ROBO2: variants seen among roughly 807,000 people sequenced by gnomAD.
ROBO2 encodes roundabout homolog 2.
ROBO2 carries 53 observed loss-of-function variants against 160.8 expected under a neutral mutation model. The ratio of observed to expected loss-of-function variants is 0.33; its 90% confidence interval spans 0.26 to 0.41. The LOEUF is 0.41. ROBO2 is among the 10% of genes least tolerant of loss of function. ROBO2 has a pLI of 1.00. For missense variants in ROBO2, 1,577 were observed against 1,722.4 expected (o/e 0.92, Z 1.49); for synonymous variants, 664 against 611.7 (o/e 1.09, Z -1.26).
chr3:77,385,546 C>T (rs1218876472), intron 2 of ROBO2, among the ~76,000 whole-genome samples: 1 of 152,232 alleles, frequency 6.6e-6, no homozygotes, highest in African/African-American at 2.4e-5. Flanking sequence ...CAGAGTTTAA[C>T]AATGATTCAA....
chr3:76,434,617 A>G (rs1350721870), intron 2 of ROBO2: 16 of 1,501,214 alleles, frequency 1.1e-5, no homozygotes, highest in African/African-American at 2.7e-5. Flanking sequence ...GACTGCCTGG[A>G]GCAAAACGGG....
intron 2 of ROBO2, among the ~76,000 whole-genome samples, chr3:76,067,612 A>G (rs935983933): frequency 4.6e-5 from 7 of 152,126 alleles, no homozygotes; most frequent in African/African-American, 1.7e-4. Flanking sequence ...ATTTATCTGT[A>G]CTTGGTGTCA....
At chr3:76,602,334 A>G (rs1406998056) in intron 2 of ROBO2, among the ~76,000 whole-genome samples, 1 of 152,120 alleles carries the variant, frequency 6.6e-6, no homozygotes, top group Admixed American at 6.5e-5. Context: ...TCGCTTCCAC[A>G]TTTTTGGGTA....
exon 25 of ROBO2, chr3:77,644,844 G>A (rs776990102): frequency 5.0e-6 from 8 of 1,614,048 alleles, no homozygotes; most frequent in South Asian, 3.3e-5. Flanking sequence ...CAATGCCAGC[G>A]ACCTTCTTGA....
chr3:76,907,941 G>C (rs2075724725), intron 2 of ROBO2, among the ~76,000 whole-genome samples: 1 of 151,864 alleles, frequency 6.6e-6, no homozygotes, highest in Non-Finnish European at 1.5e-5. Context: ...CCGGGTTCAA[G>C]CAATTCTCCT....
chr3:75,965,373 A>C (rs1949068522), intron 2 of ROBO2, among the ~76,000 whole-genome samples: 1 of 102,160 alleles, frequency 9.8e-6, no homozygotes, highest in African/African-American at 3.3e-5. Context: ...TTACGAATGG[A>C]TGTATTTGTC....
rs2086565789 is a variant in ROBO2, at chr3:77,226,893, A to G, written c.388+128553A>G. Among the ~76,000 whole-genome samples the G allele has an allele frequency of 2.0e-5, 3 of 152,288 alleles. No individual in the cohort carries two copies. In the South Asian group the frequency reaches 6.2e-4, roughly 32 times the overall value. On this transcript the variant is annotated intron_variant, in intron 2 of 25. Transcript: ENST00000461745. Reference sequence around the variant, plus strand: ...GCTACTGAATATGTATTACTTTTGCACCATTGTGAAGTCAAAAAATCATAA... The same window carrying G: ...GCTACTGAATATGTATTACTTTTGCGCCATTGTGAAGTCAAAAAATCATAA...
At chr3:76,257,428 T>A (rs924690130) in intron 2 of ROBO2, among the ~76,000 whole-genome samples, 6 of 152,122 alleles carry the variant, frequency 3.9e-5, no homozygotes, top group Admixed American at 1.3e-4. Context: ...GACAGAGATA[T>A]AAATGCATTG....
chr3:77,598,527 G>GTATATATATA (rs3073098), intron 19 of ROBO2, among the ~76,000 whole-genome samples: 4,971 of 139,780 alleles, frequency 0.036, 142 homozygotes, highest in African/African-American at 0.069. Context: ...ATATATATGT[G>GTATATATATA]TATATATATA....
chr3:76,252,232 C>T (rs1263820747), intron 2 of ROBO2, among the ~76,000 whole-genome samples: 1 of 152,016 alleles, frequency 6.6e-6, no homozygotes, highest in East Asian at 1.9e-4. Flanking sequence ...GGTGAGCAGG[C>T]TGGGATTATA....
intron 1 of ROBO2, among the ~76,000 whole-genome samples, chr3:77,068,394 T>G (rs2067079944): frequency 1.3e-5 from 2 of 152,134 alleles, no homozygotes; most frequent in Admixed American, 1.3e-4. Flanking sequence ...GCCATTTTAT[T>G]TTGACTCTTT....
At chr3:76,668,583 T>A (rs567860955) in intron 2 of ROBO2, among the ~76,000 whole-genome samples, 2 of 152,086 alleles carry the variant, frequency 1.3e-5, no homozygotes, top group African/African-American at 2.4e-5. Flanking sequence ...TTGAAGTAAC[T>A]CCTTTATTCA....
At position 76,518,103 on chromosome 3, in the gene ROBO2, C is replaced by G. The variant is rs146882524; in HGVS notation, c.110-579911C>G. Among the ~76,000 whole-genome samples the G allele has an allele frequency of 4.4e-3, 667 of 152,220 alleles. 2 individuals are homozygous for G. Among genetic ancestry groups the G allele is most frequent in the Admixed American group, 5.0e-3 (76 of 15,280 alleles). Reference sequence around the variant, plus strand: ...CTTATGTGAATTGGAACATACAGCACTGTGTCAGTTAGATATTGTCCAGTA... The same window carrying G: ...CTTATGTGAATTGGAACATACAGCAGTGTGTCAGTTAGATATTGTCCAGTA... On this transcript the variant is annotated intron_variant, in intron 2 of 26. Transcript: ENST00000487694.
chr3:77,256,761 C>T (rs1361022799), intron 2 of ROBO2, among the ~76,000 whole-genome samples: 1 of 152,152 alleles, frequency 6.6e-6, no homozygotes, highest in Non-Finnish European at 1.5e-5. Context: ...AACACCAAAA[C>T]AAACAAACTC....
chr3:76,710,469 A>C (rs2093269656), intron 2 of ROBO2, among the ~76,000 whole-genome samples: 1 of 152,182 alleles, frequency 6.6e-6, no homozygotes. Flanking sequence ...AGAAAAGATA[A>C]GAAGACATTA....
At chr3:75,993,084 T>C (rs978196370) in intron 2 of ROBO2, among the ~76,000 whole-genome samples, 2 of 152,100 alleles carry the variant, frequency 1.3e-5, no homozygotes, top group African/African-American at 2.4e-5. Context: ...CTGTGGACTT[T>C]TGGGTTATTG....
chr3:77,171,828 A>G (rs555394579), intron 2 of ROBO2, among the ~76,000 whole-genome samples: 2 of 152,218 alleles, frequency 1.3e-5, no homozygotes, highest in African/African-American at 4.8e-5. Flanking sequence ...GGAATTTCAA[A>G]TAAGTTTAAA....
intron 1 of ROBO2, among the ~76,000 whole-genome samples, chr3:77,095,932 C>G (rs1404322144): frequency 6.6e-6 from 1 of 150,582 alleles, no homozygotes; most frequent in Non-Finnish European, 1.5e-5. Flanking sequence ...TTTTAAAGTT[C>G]TGACCTGTGA....
intron 2 of ROBO2, among the ~76,000 whole-genome samples, chr3:76,186,390 T>C (rs1181603304): frequency 6.6e-6 from 1 of 152,124 alleles, no homozygotes; most frequent in African/African-American, 2.4e-5. Flanking sequence ...GTACTTGCCC[T>C]CAATTAGTGA....
Sources: allele counts gnomAD v4.1 joint callset (sites outside exome capture counted in the v4.1 genomes callset), GRCh38; gene constraint gnomAD v4.1.1; transcripts MANE v1.5; gene names NCBI Gene and HGNC (gene_info 2026-07-23, HGNC 2026-07-21).